BMP5: variants seen among roughly 807,000 people sequenced by gnomAD.
BMP5 encodes bone morphogenetic protein 5.
Under a neutral mutation model 46.6 loss-of-function variants are expected in BMP5, and 23 were observed. The observed-to-expected ratio is 0.49, with a 90% CI of 0.35 to 0.70. The LOEUF (loss-of-function observed/expected upper bound fraction) is 0.70. BMP5 is among the 30% of genes least tolerant of loss of function. The pLI is 0.00. For missense variants in BMP5, 545 were observed against 565.6 expected (o/e 0.96, Z 0.37); for synonymous variants, 204 against 191.9 (o/e 1.06, Z -0.52).
chr6:55,794,139 T>C lies in BMP5; in HGVS notation c.832+140A>G, dbSNP rs895847996. 13 of 825,366 alleles carry C rather than the reference T, an allele frequency of 1.6e-5. No individual in the cohort carries two copies. The African/African-American group carries it at 1.9e-4, about 12-fold the overall frequency. 51.1% of individuals were successfully genotyped at this position (825,366 alleles called of 1,614,324 possible). ...TTCTGAATTGATTAACTAACTAATA[T>C]AGTTTTGCACTACCCTATAGAATGC... is the stretch of plus-strand genomic sequence containing the variant. On this transcript the variant is annotated intron_variant, in intron 3 of 6. Coordinates refer to ENST00000370830, the MANE Select transcript of BMP5 (RefSeq NM_021073.4).
intron 3 of BMP5, among the ~76,000 whole-genome samples, chr6:55,791,982 T>C (rs1337887900): frequency 3.3e-5 from 5 of 152,174 alleles, no homozygotes; most frequent in Non-Finnish European, 7.3e-5. Flanking sequence ...TAGCTTAACA[T>C]TGTAAGAATT....
rs749127959 is a variant in BMP5, at chr6:55,759,124, T to TACACACAC, written c.1105-17_1105-10dup. 2.2e-3 allele frequency: 975 copies of TACACACAC among 437,168 alleles called. 39 individuals carry two copies. The highest frequency in any genetic ancestry group is 2.8e-3 in the Non-Finnish European group (660 of 232,422). The allele number at this position is 437,168 out of a possible 1,614,324, so 27.1% of individuals were successfully genotyped here. On this transcript the variant is annotated splice_polypyrimidine_tract_variant and intron_variant, in intron 5 of 6. Coordinates refer to ENST00000370830, the MANE Select transcript of BMP5 (RefSeq NM_021073.4). ...GGTGCTATAATCCAGTCCTGACACATACACACACACACACACACACAAAAA... is the reference window on the plus strand; with the variant it reads ...GGTGCTATAATCCAGTCCTGACACATACACACACACACACACACACACACACACAAAAA...
At chr6:55,794,091 A>AATAAATGTATTGG (rs113636003) in intron 3 of BMP5, among the ~76,000 whole-genome samples, 188 bp downstream of exon 3, 1 of 152,184 alleles carries the variant, frequency 6.6e-6, no homozygotes, top group East Asian at 1.9e-4. Context: ...AGAGCCTGAC[A>AATAAATGTATTGG]ATAAATGTAT....
At chr6:55,783,363 C>A (rs909017554) in intron 3 of BMP5, among the ~76,000 whole-genome samples, 2 of 151,896 alleles carry the variant, frequency 1.3e-5, no homozygotes, top group East Asian at 3.9e-4. Context: ...TGGTTAGATG[C>A]CTTTGTTTTT....
rs1435050102 is a variant in BMP5, at chr6:55,777,377, C to T, written c.833-3134G>A. Among the ~76,000 whole-genome samples, 8 of 151,906 alleles carry T rather than the reference C, an allele frequency of 5.3e-5. No individual in the cohort carries two copies. In the South Asian group the frequency reaches 1.0e-3, roughly 20 times the overall value. ...CAAATATATAACTGAAGAAGCCTACCTAAAGCATTTTGATTTAGAAACACA... is the reference window on the plus strand; with the variant it reads ...CAAATATATAACTGAAGAAGCCTACTTAAAGCATTTTGATTTAGAAACACA... On this transcript the variant is annotated intron_variant, in intron 3 of 6. Coordinates refer to ENST00000370830, the MANE Select transcript of BMP5 (RefSeq NM_021073.4).
chr6:55,761,612 T>G (rs1234405849), intron 4 of BMP5, among the ~76,000 whole-genome samples: 1 of 152,080 alleles, frequency 6.6e-6, no homozygotes, highest in South Asian at 2.1e-4. Flanking sequence ...TCTCCCTGGA[T>G]AGCTACATGG....
intron 1 of BMP5, among the ~76,000 whole-genome samples, chr6:55,845,111 T>C (rs983469064): frequency 1.3e-5 from 2 of 152,056 alleles, no homozygotes; most frequent in African/African-American, 4.8e-5. Context: ...TAAAGGACAT[T>C]CAGCAAATTT....
chr6:55,867,004 AAT>A (rs1205306522), intron 1 of BMP5, among the ~76,000 whole-genome samples: 1 of 152,156 alleles, frequency 6.6e-6, no homozygotes, highest in Non-Finnish European at 1.5e-5. Flanking sequence ...CTAAACAACC[AAT>A]GTTTATTTAT....
chr6:55,758,100 T>C (rs1028126672), intron 6 of BMP5, among the ~76,000 whole-genome samples: 1 of 151,974 alleles, frequency 6.6e-6, no homozygotes, highest in Non-Finnish European at 1.5e-5. Context: ...TTGTCTACTA[T>C]CTACTTTTCT....
At chr6:55,782,018 AG>A (rs1171243824) in intron 3 of BMP5, among the ~76,000 whole-genome samples, 1 of 152,102 alleles carries the variant, frequency 6.6e-6, no homozygotes, top group Non-Finnish European at 1.5e-5. Flanking sequence ...CACCTAATAA[AG>A]AAAGTGAAAA....
intron 3 of BMP5, among the ~76,000 whole-genome samples, chr6:55,783,540 C>G (rs1389069413): frequency 6.6e-6 from 1 of 151,908 alleles, no homozygotes; most frequent in Non-Finnish European, 1.5e-5. Flanking sequence ...GATACAAATA[C>G]CAGCACTACT....
At chr6:55,807,772 C>T (rs894520202) in intron 2 of BMP5, among the ~76,000 whole-genome samples, 21 of 152,076 alleles carry the variant, frequency 1.4e-4, no homozygotes, top group African/African-American at 5.1e-4. Context: ...TCAAATTCTT[C>T]CTGGTTAAGT....
intron 1 of BMP5, among the ~76,000 whole-genome samples, chr6:55,829,929 A>G (rs150425381): frequency 1.3e-5 from 2 of 152,096 alleles, no homozygotes; most frequent in African/African-American, 4.8e-5. Context: ...TATAATTTTT[A>G]AGCTTCTTTT....
At chr6:55,847,172 G>T (rs1398065265) in intron 1 of BMP5, among the ~76,000 whole-genome samples, 2 of 151,848 alleles carry the variant, frequency 1.3e-5, no homozygotes, top group South Asian at 2.1e-4. Context: ...TTAGAAAGTG[G>T]TGGAACTGAA....
chr6:55,840,061 CTT>C (rs1208168956), intron 1 of BMP5, among the ~76,000 whole-genome samples: 1 of 152,008 alleles, frequency 6.6e-6, no homozygotes, highest in African/African-American at 2.4e-5. Flanking sequence ...CAGTTCGCCT[CTT>C]TATTTCAGCT....
intron 1 of BMP5, among the ~76,000 whole-genome samples, chr6:55,845,413 G>T (rs145194531): frequency 6.7e-4 from 101 of 151,834 alleles, no homozygotes; most frequent in African/African-American, 2.1e-3. Flanking sequence ...AAAAAAAAAT[G>T]ATCTGGATGC....
intron 1 of BMP5, among the ~76,000 whole-genome samples, chr6:55,834,714 T>C (rs1218650413): frequency 6.6e-6 from 1 of 152,032 alleles, no homozygotes; most frequent in Non-Finnish European, 1.5e-5. Flanking sequence ...ACTATAAAAA[T>C]AAATAAAATA....
intron 2 of BMP5, among the ~76,000 whole-genome samples, chr6:55,813,432 T>A (rs951544752): frequency 1.3e-5 from 2 of 152,044 alleles, no homozygotes; most frequent in Admixed American, 6.5e-5. Flanking sequence ...ATAATAATGT[T>A]TCTTGGTTTG....
At chr6:55,852,055 A>G (rs1339814435) in intron 1 of BMP5, among the ~76,000 whole-genome samples, 1 of 152,154 alleles carries the variant, frequency 6.6e-6, no homozygotes, top group African/African-American at 2.4e-5. Context: ...CCAAGCACTT[A>G]TTAGTAAAAT....
Sources: gnomAD v4.1 joint callset for allele counts (sites outside exome capture counted in the v4.1 genomes callset) on GRCh38, gnomAD v4.1.1 for gene constraint, MANE v1.5 for transcripts, NCBI Gene and HGNC (gene_info 2026-07-23, HGNC 2026-07-21) for gene names.